Variants in AQR observed in about 807,000 individuals in gnomAD.
The protein encoded by AQR is RNA helicase aquarius.
Under a neutral mutation model 180.5 loss-of-function variants are expected in AQR, and 61 were observed. That is an observed-to-expected ratio of 0.34 (90% CI 0.28 to 0.42). AQR has a LOEUF of 0.42. AQR is among the 10% of genes least tolerant of loss of function. The pLI is 1.00. For missense variants in AQR, 1,281 were observed against 1,798.3 expected (o/e 0.71, Z 5.20); for synonymous variants, 551 against 588.8 (o/e 0.94, Z 0.93).
intron 6 of AQR, 84 bp from the exon 7 acceptor site, chr15:34,942,164 T>A: frequency 1.0e-6 from 1 of 965,930 alleles, no homozygotes; most frequent in Non-Finnish European, 1.5e-6. Flanking sequence ...ACTGCCTTTT[T>A]AAGTCCTGGA....
chr15:34,890,096 A>T, intron 24 of AQR, 119 bp downstream of exon 24: 1 of 823,190 alleles, frequency 1.2e-6, no homozygotes, highest in Non-Finnish European at 1.8e-6. Flanking sequence ...TTAGTAAGTT[A>T]AGTTAGAACC....
chr15:34,857,919 TCTAGTGA>T (rs1892612630), intron 34 of AQR, among the ~76,000 whole-genome samples: 1 of 152,172 alleles, frequency 6.6e-6, no homozygotes, highest in Admixed American at 6.5e-5. Context: ...CCCATGGCAG[TCTAGTGA>T]CTTTCTCATC....
At chr15:34,963,257 G>T (rs772196137) in intron 2 of AQR, among the ~76,000 whole-genome samples, 1 of 152,052 alleles carries the variant, frequency 6.6e-6, no homozygotes, top group Non-Finnish European at 1.5e-5. Context: ...AGGATTATAC[G>T]CATGAGCCAC....
chr15:34,920,495 T>C (rs1201240330), intron 13 of AQR, 61 bp from the exon 14 acceptor site: 2 of 1,284,264 alleles, frequency 1.6e-6, no homozygotes, highest in Admixed American at 2.2e-5. Context: ...TTTTGAAACA[T>C]GTATTTTTAC....
chr15:34,880,732 A>G (rs998011652), intron 27 of AQR, among the ~76,000 whole-genome samples: 1 of 152,200 alleles, frequency 6.6e-6, no homozygotes, highest in African/African-American at 2.4e-5. Flanking sequence ...GCACGCACAC[A>G]TGCATGAATG....
chr15:34,956,035 A>AT (rs1473960985), intron 3 of AQR, among the ~76,000 whole-genome samples: 1 of 152,168 alleles, frequency 6.6e-6, no homozygotes, highest in African/African-American at 2.4e-5. Flanking sequence ...TATTATAATG[A>AT]TAAAAAAAAG....
At chr15:34,908,691 C>G (rs899545445) in intron 17 of AQR, among the ~76,000 whole-genome samples, 3 of 152,218 alleles carry the variant, frequency 2.0e-5, no homozygotes, top group Non-Finnish European at 4.4e-5. Flanking sequence ...AAGACTGTCT[C>G]ATGTCCTTCT....
At chr15:34,902,662 A>T (rs929180316) in intron 19 of AQR, among the ~76,000 whole-genome samples, 1 of 152,170 alleles carries the variant, frequency 6.6e-6, no homozygotes, top group Non-Finnish European at 1.5e-5. Context: ...AGTAGGCACT[A>T]AATAGTCAAA....
chr15:34,942,360 C>CA (rs1357478171), intron 6 of AQR, among the ~76,000 whole-genome samples: 1 of 152,200 alleles, frequency 6.6e-6, no homozygotes, highest in East Asian at 1.9e-4. Flanking sequence ...ATGGCCCAAA[C>CA]AAAAATCTGA....
intron 1 of AQR, among the ~76,000 whole-genome samples, chr15:34,969,048 A>C (rs1406484179): frequency 6.6e-6 from 1 of 152,200 alleles, no homozygotes; most frequent in Non-Finnish European, 1.5e-5. Context: ...CTCAAACTAC[A>C]GAATTACTCT....
intron 8 of AQR, among the ~76,000 whole-genome samples, chr15:34,939,333 C>T (rs1893990738): frequency 1.3e-5 from 2 of 152,204 alleles, no homozygotes; most frequent in Non-Finnish European, 2.9e-5. Context: ...TCCCAAAGTG[C>T]TGGGATTACA....
chr15:34,942,090 G>T lies in AQR; in HGVS notation c.472-10C>A. On this transcript the variant is annotated splice_polypyrimidine_tract_variant and intron_variant, in intron 6 of 34. Transcript: ENST00000156471. ...GTATCAAGTCTACTTCCTGTTTAGGGCATGAAGAAAATAAGTTTATAAACA... is the reference window on the plus strand; with the variant it reads ...GTATCAAGTCTACTTCCTGTTTAGGTCATGAAGAAAATAAGTTTATAAACA... 1 of 1,606,244 alleles carries T rather than the reference G, an allele frequency of 6.2e-7. No individual in the cohort carries two copies. The highest frequency in any genetic ancestry group is 8.5e-7 in the Non-Finnish European group (1 of 1,174,750).
At chr15:34,959,578 G>A (rs2050262219) in intron 3 of AQR, among the ~76,000 whole-genome samples, 1 of 152,132 alleles carries the variant, frequency 6.6e-6, no homozygotes. Context: ...GTGAAATAAA[G>A]ATCTACACCC....
intron 5 of AQR, 79 bp from the exon 6 acceptor site, chr15:34,944,507 G>A (rs1595806052): frequency 1.4e-6 from 2 of 1,413,764 alleles, no homozygotes; most frequent in East Asian, 5.0e-5. Flanking sequence ...AGGCTTTTTA[G>A]CAGTCTATTA....
intron 5 of AQR, among the ~76,000 whole-genome samples, chr15:34,946,694 CGGGA>C (rs1442291051): frequency 3.0e-5 from 4 of 131,250 alleles, no homozygotes; most frequent in African/African-American, 1.1e-4. Context: ...GCCGCCCGTC[CGGGA>C]GGGAGGTGGG....
intron 24 of AQR, among the ~76,000 whole-genome samples, chr15:34,887,723 C>T (rs1893083918): frequency 6.6e-6 from 1 of 152,082 alleles, no homozygotes; most frequent in African/African-American, 2.4e-5. Flanking sequence ...TTTAAAGACT[C>T]AACAAAAGAA....
rs1427952589 is a variant in AQR, at chr15:34,884,455, T to C, written c.3027+70A>G. On this transcript the variant is annotated intron_variant, in intron 26 of 34. Transcript: ENST00000156471. ...ACAAAAGATTTGAATATTTCACATT[T>C]ACTTCAAAAAAAAACTAAACTAAAT... is the stretch of plus-strand genomic sequence containing the variant. 5.5e-6 allele frequency: 7 copies of C among 1,277,496 alleles called. No individual in the cohort carries two copies. In the East Asian group the frequency reaches 1.7e-4, roughly 32 times the overall value. The allele number at this position is 1,277,496 out of a possible 1,614,324, so 79.1% of individuals were successfully genotyped here.
chr15:34,906,478 A>T (rs936935631), intron 18 of AQR, 67 bp downstream of exon 18: 2 of 1,553,746 alleles, frequency 1.3e-6, no homozygotes, highest in African/African-American at 2.8e-5. Flanking sequence ...AAGAAGCAAA[A>T]AGGGAAAAAG....
At chr15:34,941,120 C>A in intron 7 of AQR, 121 bp from the exon 8 acceptor site, 1 of 557,292 alleles carries the variant, frequency 1.8e-6, no homozygotes, top group Middle Eastern at 4.6e-4. Context: ...CTGATAAAAC[C>A]TGAAAATAAC....
Sources: allele counts gnomAD v4.1 joint callset (sites outside exome capture counted in the v4.1 genomes callset), GRCh38; gene constraint gnomAD v4.1.1; transcripts MANE v1.5; gene names NCBI Gene and HGNC (gene_info 2026-07-23, HGNC 2026-07-21).